The following HIP1 variants were observed in gnomAD, a reference collection of about 807,000 sequenced individuals.
The protein encoded by HIP1 is huntingtin-interacting protein 1.
In HIP1, 65 loss-of-function variants were observed where a neutral mutation model predicts 147.6. The observed-to-expected ratio is 0.44, with a 90% CI of 0.36 to 0.54. HIP1 has a LOEUF of 0.54. Ranked by LOEUF, HIP1 falls within the 20% of genes least tolerant of loss-of-function variation. The pLI is 0.00. For synonymous variants in HIP1, 479 were observed against 504.0 expected (o/e 0.95, Z 0.67); for missense variants, 1,061 against 1,299.6 (o/e 0.82, Z 2.82).
intron 1 of HIP1, among the ~76,000 whole-genome samples, chr7:75,689,532 C>CA (rs1800376698): frequency 6.6e-6 from 1 of 152,054 alleles, no homozygotes; most frequent in South Asian, 2.1e-4. Context: ...AATATCAACT[C>CA]ACTGTAGAAA....
chr7:75,547,196 G>A (rs1368620525), intron 24 of HIP1, among the ~76,000 whole-genome samples, 164 bp from the exon 25 acceptor site: 1 of 152,184 alleles, frequency 6.6e-6, no homozygotes, highest in African/African-American at 2.4e-5. Flanking sequence ...CACCGAAGGA[G>A]AGGCTGGGGA....
chr7:75,718,609 T>C (rs1395623380), intron 1 of HIP1, among the ~76,000 whole-genome samples: 2 of 152,218 alleles, frequency 1.3e-5, no homozygotes, highest in African/African-American at 4.8e-5. Context: ...ACGTTCTTCC[T>C]GGCCTATCTC....
chr7:75,667,348 T>G (rs1345038182), intron 1 of HIP1, among the ~76,000 whole-genome samples: 1 of 152,212 alleles, frequency 6.6e-6, no homozygotes, highest in African/African-American at 2.4e-5. Flanking sequence ...GTTAACTCAC[T>G]AAGCCTCCAT....
chr7:75,715,046 G>A (rs1554520449), intron 1 of HIP1, among the ~76,000 whole-genome samples: 1 of 152,110 alleles, frequency 6.6e-6, no homozygotes, highest in East Asian at 1.9e-4. Context: ...ATATGGGTTT[G>A]TCTGATGTTT....
intron 1 of HIP1, among the ~76,000 whole-genome samples, chr7:75,730,444 A>C (rs1367446972): frequency 6.6e-6 from 1 of 150,530 alleles, no homozygotes; most frequent in Non-Finnish European, 1.5e-5. Context: ...AGTTCAAGTG[A>C]TTCTCGTGCC....
chr7:75,609,531 C>T (rs182244089), intron 1 of HIP1, among the ~76,000 whole-genome samples: 175 of 152,096 alleles, frequency 1.2e-3, no homozygotes, highest in African/African-American at 4.0e-3. Context: ...CTCCTTCAAG[C>T]TCATACTCAA....
At chr7:75,700,927 G>C (rs1342558830) in intron 1 of HIP1, among the ~76,000 whole-genome samples, 3 of 151,840 alleles carry the variant, frequency 2.0e-5, no homozygotes, top group Non-Finnish European at 4.4e-5. Context: ...GGATGGTCTC[G>C]ATCTCCTGAC....
chr7:75,620,627 A>G (rs1218657809), intron 1 of HIP1, among the ~76,000 whole-genome samples: 8 of 152,146 alleles, frequency 5.3e-5, no homozygotes, highest in African/African-American at 1.9e-4. Flanking sequence ...CAGAGGTTGC[A>G]GCGAGCTGAG....
At chr7:75,602,856 C>T (rs1262097960) in intron 1 of HIP1, among the ~76,000 whole-genome samples, 2 of 135,826 alleles carry the variant, frequency 1.5e-5, no homozygotes, top group Non-Finnish European at 3.1e-5. Context: ...AGGGCATTTG[C>T]AGATGTAATT....
chr7:75,644,354 G>A (rs1398988125), intron 1 of HIP1, among the ~76,000 whole-genome samples: 8 of 152,110 alleles, frequency 5.3e-5, no homozygotes, highest in African/African-American at 1.9e-4. Context: ...GAGTGCAATG[G>A]CACAGTCTCA....
chr7:75,625,347 TG>T (rs1424569311), intron 1 of HIP1: 2 of 152,224 alleles, frequency 1.3e-5, no homozygotes, highest in African/African-American at 4.8e-5. Flanking sequence ...GGTTTCAGAG[TG>T]AGGTCTAGAT....
chr7:75,630,039 T>G (rs1191875156), intron 1 of HIP1, among the ~76,000 whole-genome samples: 1 of 152,086 alleles, frequency 6.6e-6, no homozygotes, highest in Non-Finnish European at 1.5e-5. Flanking sequence ...GCACCTGTAG[T>G]CCCAGCTACT....
chr7:75,638,644 G>A (rs975683065), intron 1 of HIP1, among the ~76,000 whole-genome samples: 1 of 134,774 alleles, frequency 7.4e-6, no homozygotes, highest in African/African-American at 3.1e-5. Flanking sequence ...CCCTGCCCAC[G>A]GGCTCAGCCC....
At chr7:75,628,558 A>G (rs989545772) in intron 1 of HIP1, among the ~76,000 whole-genome samples, 1 of 144,398 alleles carries the variant, frequency 6.9e-6, no homozygotes. Context: ...GGCTCACTCC[A>G]ACCTCTGCCT....
intron 19 of HIP1, 147 bp from the exon 20 acceptor site, chr7:75,554,673 G>C (rs587703055): frequency 4.9e-6 from 3 of 610,446 alleles, no homozygotes; most frequent in African/African-American, 1.8e-5. Flanking sequence ...TCTTGATTCA[G>C]ACCATAGTTT....
chr7:75,680,133 C>A (rs1286180968), intron 1 of HIP1, among the ~76,000 whole-genome samples: 2 of 152,160 alleles, frequency 1.3e-5, no homozygotes, highest in African/African-American at 4.8e-5. Context: ...ACCTCTACCT[C>A]CTGGGTTCAA....
chr7:75,542,155 T>C (rs1238374826), intron 28 of HIP1, among the ~76,000 whole-genome samples, 175 bp from the exon 29 acceptor site: 2 of 152,056 alleles, frequency 1.3e-5, no homozygotes, highest in African/African-American at 4.8e-5. Context: ...CCTAGCTCTT[T>C]GGGAGGCTGA....
rs182321471 is a variant in HIP1, at chr7:75,545,336, T to C, written c.2560-148A>G. The C allele has an allele frequency of 5.9e-5, 37 of 631,018 alleles. No homozygotes were observed. The East Asian group carries it at 1.0e-3, about 17-fold the overall frequency. The allele number at this position is 631,018 out of a possible 1,614,324, so 39.1% of individuals were successfully genotyped here. On this transcript the variant is annotated intron_variant, in intron 25 of 30. Coordinates refer to ENST00000336926, the MANE Select transcript of HIP1 (RefSeq NM_005338.7). ...TCCCATTTTACAAAAAAGAAGAAGA[T>C]TCAGAGACCAAAATGGCTTTTCCAG...
intron 4 of HIP1, among the ~76,000 whole-genome samples, chr7:75,587,088 G>A (rs1342335678): frequency 6.6e-6 from 1 of 151,994 alleles, no homozygotes; most frequent in Non-Finnish European, 1.5e-5. Flanking sequence ...TTACAGGCAC[G>A]CACCACCACG....
Sources: allele counts gnomAD v4.1 joint callset (sites outside exome capture counted in the v4.1 genomes callset), GRCh38; gene constraint gnomAD v4.1.1; transcripts MANE v1.5; gene names NCBI Gene and HGNC (gene_info 2026-07-23, HGNC 2026-07-21).